The following HECW2 variants were observed in gnomAD, a reference collection of about 807,000 sequenced individuals.
The protein encoded by HECW2 is E3 ubiquitin-protein ligase HECW2.
A neutral mutation model predicts 175.2 loss-of-function variants in HECW2; 61 were observed. That is an observed-to-expected ratio of 0.35 (90% CI 0.28 to 0.43). HECW2 has a LOEUF of 0.43. HECW2 is among the 20% of genes least tolerant of loss of function. The pLI is 1.00. For synonymous variants in HECW2, 671 were observed against 731.0 expected (o/e 0.92, Z 1.32); for missense variants, 1,524 against 2,000.5 (o/e 0.76, Z 4.54).
chr2:196,318,418 C>A, intron 9 of HECW2, 134 bp downstream of exon 9: 1 of 1,078,498 alleles, frequency 9.3e-7, no homozygotes, highest in East Asian at 2.9e-5. Context: ...TCTCTTCTTG[C>A]CTGCTGAACC....
intron 2 of HECW2, among the ~76,000 whole-genome samples, chr2:196,404,058 T>C (rs556194201): frequency 1.3e-5 from 2 of 152,316 alleles, no homozygotes; most frequent in South Asian, 2.1e-4. Flanking sequence ...TGGCTAACCA[T>C]GTTATACTAC....
intron 2 of HECW2, among the ~76,000 whole-genome samples, chr2:196,430,795 C>A (rs1262006503): frequency 2.0e-5 from 3 of 151,874 alleles, no homozygotes; most frequent in Admixed American, 2.0e-4. Context: ...CGGGGCCTTG[C>A]AGAACAACAT....
chr2:196,292,127 G>A (rs6715442), intron 14 of HECW2: 1 of 155,756 alleles, frequency 6.4e-6, no homozygotes, highest in Non-Finnish European at 1.4e-5. Context: ...CCCAAGCCCA[G>A]ACAGTGTCAC....
chr2:196,337,218 G>A (rs1692579919), intron 3 of HECW2, among the ~76,000 whole-genome samples: 1 of 152,088 alleles, frequency 6.6e-6, no homozygotes, highest in African/African-American at 2.4e-5. Context: ...AAGAGGTAAC[G>A]GAAGAATGCT....
At chr2:196,540,774 T>C (rs1182373410) in intron 1 of HECW2, among the ~76,000 whole-genome samples, 1 of 152,176 alleles carries the variant, frequency 6.6e-6, no homozygotes. Context: ...CTTTTTACCA[T>C]ATATTTTTTC....
intron 17 of HECW2, among the ~76,000 whole-genome samples, chr2:196,261,783 ATATTT>A (rs1182863674): frequency 2.0e-5 from 3 of 152,354 alleles, no homozygotes; most frequent in Non-Finnish European, 2.9e-5. Flanking sequence ...AGGTTTATAC[ATATTT>A]TATATTTGTA....
At chr2:196,336,824 G>T (rs1210757061) in intron 3 of HECW2, among the ~76,000 whole-genome samples, 4 of 151,978 alleles carry the variant, frequency 2.6e-5, no homozygotes, top group Non-Finnish European at 5.9e-5. Context: ...AGATTTTGTG[G>T]GCATGATCCA....
intron 17 of HECW2, among the ~76,000 whole-genome samples, chr2:196,265,260 A>C (rs962386870): frequency 2.0e-5 from 3 of 152,222 alleles, no homozygotes; most frequent in African/African-American, 7.2e-5. Flanking sequence ...CCAGGAAGGC[A>C]GATCACTTGA....
intron 1 of HECW2, among the ~76,000 whole-genome samples, chr2:196,518,269 G>A (rs997835619): frequency 5.3e-5 from 8 of 152,206 alleles, no homozygotes; most frequent in African/African-American, 1.9e-4. Flanking sequence ...TGAGTCTGAT[G>A]TTATGAGAAA....
intron 10 of HECW2, among the ~76,000 whole-genome samples, chr2:196,314,996 C>T (rs114288331): frequency 0.014 from 2,187 of 152,074 alleles, 41 homozygotes; most frequent in African/African-American, 0.05. Flanking sequence ...GGCAGCCAAG[C>T]GATTAACACT....
chr2:196,371,977 T>C (rs890325857), intron 2 of HECW2, among the ~76,000 whole-genome samples: 7 of 152,268 alleles, frequency 4.6e-5, no homozygotes, highest in South Asian at 4.1e-4. Context: ...CAGTGTAAAG[T>C]AGTACTTTTT....
intron 10 of HECW2, among the ~76,000 whole-genome samples, chr2:196,313,903 A>G (rs1691593981): frequency 6.6e-6 from 1 of 152,110 alleles, no homozygotes; most frequent in Non-Finnish European, 1.5e-5. Context: ...AAATAAAAAC[A>G]CAAAAAAACC....
At chr2:196,350,669 ACCATAAGCATCTATTTCCTG>A (rs1482665291) in intron 2 of HECW2, among the ~76,000 whole-genome samples, 4 of 148,508 alleles carry the variant, frequency 2.7e-5, no homozygotes. Flanking sequence ...TACTATGAAG[ACCATAAGCATCTATTTCCTG>A]CCATAAGCAG....
chr2:196,317,049 G>T, intron 10 of HECW2: 1 of 474,972 alleles, frequency 2.1e-6, no homozygotes, highest in Non-Finnish European at 3.8e-6. Context: ...TTTACCCCAT[G>T]GGCAACACAG....
At chr2:196,480,647 A>G (rs1221437572) in intron 1 of HECW2, among the ~76,000 whole-genome samples, 2 of 152,242 alleles carry the variant, frequency 1.3e-5, no homozygotes, top group East Asian at 3.8e-4. Flanking sequence ...CCACTGCAGG[A>G]CACAGAGCTG....
chr2:196,554,739 A>G (rs1038126282), intron 1 of HECW2, among the ~76,000 whole-genome samples: 18 of 152,224 alleles, frequency 1.2e-4, no homozygotes, highest in Non-Finnish European at 1.5e-4. Context: ...CCAGCATGCA[A>G]TGGGTCTGGG....
chr2:196,204,464 G>T (rs1331703621), intron 28 of HECW2, among the ~76,000 whole-genome samples: 1 of 152,104 alleles, frequency 6.6e-6, no homozygotes, highest in East Asian at 1.9e-4. Flanking sequence ...TTTGAAGAAG[G>T]AAGCTACTAT....
intron 21 of HECW2, among the ~76,000 whole-genome samples, chr2:196,231,861 C>T (rs529401482): frequency 5.3e-5 from 8 of 151,904 alleles, no homozygotes; most frequent in South Asian, 2.1e-4. Flanking sequence ...TGGTGGTGGG[C>T]GCCTGTAGTC....
At chr2:196,356,202 C>T (rs1244085117) in intron 2 of HECW2, among the ~76,000 whole-genome samples, 1 of 152,192 alleles carries the variant, frequency 6.6e-6, no homozygotes, top group Non-Finnish European at 1.5e-5. Flanking sequence ...CTTTGATTCA[C>T]TCATTTAAAC....
Sources: gnomAD v4.1 joint callset for allele counts (sites outside exome capture counted in the v4.1 genomes callset) on GRCh38, gnomAD v4.1.1 for gene constraint, MANE v1.5 for transcripts, NCBI Gene and HGNC (gene_info 2026-07-23, HGNC 2026-07-21) for gene names.